CSMD3: variants seen among roughly 807,000 people sequenced by gnomAD.
CSMD3 encodes the protein CUB and sushi domain-containing protein 3.
CSMD3 carries 177 observed loss-of-function variants against 435.2 expected under a neutral mutation model. The observed-to-expected ratio is 0.41, with a 90% confidence interval of 0.36 to 0.46. CSMD3 has a LOEUF of 0.46. Ranked by LOEUF, CSMD3 falls within the 20% of genes least tolerant of loss-of-function variation. CSMD3 has a pLI of 0.34. For synonymous variants in CSMD3, 1,656 were observed against 1,520.5 expected, an observed-to-expected ratio of 1.09 and a Z score of -2.07; for missense variants, 4,265 against 4,504.6, an observed-to-expected ratio of 0.95 and a Z score of 1.52.
Position 112,434,676 on chromosome 8 carries a change from C to T in CSMD3, c.5396-25644G>A, listed in dbSNP as rs74877632. Among the ~76,000 whole-genome samples the T allele has an allele frequency of 1.9e-3, 296 of 152,200 alleles. 1 individual carries two copies. The highest frequency in any genetic ancestry group is 6.6e-3 in the African/African-American group (276 of 41,550). On this transcript the variant is annotated intron_variant, in intron 32 of 70. Transcript: ENST00000297405. Reference sequence around the variant, plus strand: ...TGTGAAGTTAACAAAGCTCCTACCTCGCACAGGCTCCTTCTAAGACCCTAG... The same window carrying T: ...TGTGAAGTTAACAAAGCTCCTACCTTGCACAGGCTCCTTCTAAGACCCTAG...
chr8:112,766,684 A>AG (rs2077987604), intron 13 of CSMD3, among the ~76,000 whole-genome samples: 1 of 151,800 alleles, frequency 6.6e-6, no homozygotes, highest in Admixed American at 6.6e-5. Context: ...TTCATAGCCC[A>AG]GGGGTAGAAA....
intron 13 of CSMD3, among the ~76,000 whole-genome samples, chr8:112,756,574 T>C (rs969752341): frequency 2.0e-5 from 3 of 152,150 alleles, no homozygotes; most frequent in East Asian, 1.9e-4. Context: ...TTCCCAAGAA[T>C]ATAATTTATT....
At chr8:112,573,964 C>G (rs1043687972) in intron 23 of CSMD3, among the ~76,000 whole-genome samples, 9 of 151,778 alleles carry the variant, frequency 5.9e-5, no homozygotes, top group Non-Finnish European at 8.8e-5. Flanking sequence ...GAATACCTAC[C>G]TAAAGATTGG....
At chr8:113,414,448 G>A (rs2094572794) in intron 1 of CSMD3, among the ~76,000 whole-genome samples, 1 of 151,938 alleles carries the variant, frequency 6.6e-6, no homozygotes. Context: ...GAACGATACA[G>A]CCTGAATTAT....
chr8:112,465,461 G>A (rs972436607), intron 32 of CSMD3, among the ~76,000 whole-genome samples: 2 of 152,010 alleles, frequency 1.3e-5, no homozygotes, highest in African/African-American at 2.4e-5. Context: ...ATGTAGGTGG[G>A]GTGAGAGGCA....
At chr8:113,329,265 T>A (rs915711844) in intron 1 of CSMD3, among the ~76,000 whole-genome samples, 2 of 147,644 alleles carry the variant, frequency 1.4e-5, no homozygotes, top group African/African-American at 5.0e-5. Context: ...AAATAATGTC[T>A]CACCAAATAA....
intron 3 of CSMD3, among the ~76,000 whole-genome samples, chr8:113,196,158 T>C (rs1236502741): frequency 6.6e-6 from 1 of 151,192 alleles, no homozygotes; most frequent in East Asian, 1.9e-4. Context: ...TAGCTATTTG[T>C]CTGCAAATGT....
At chr8:112,820,443 A>G (rs553174948) in intron 12 of CSMD3, among the ~76,000 whole-genome samples, 80 of 152,202 alleles carry the variant, frequency 5.3e-4, no homozygotes, top group South Asian at 4.1e-3. Flanking sequence ...TGAGTTTCAC[A>G]AAAACATAAT....
rs2130689835 is a variant in CSMD3 at position 112,292,641 on chromosome 8, T to A, written c.8684A>T (p.Asp2895Val). ...AATATTGCATGAGAATGTTACCACA[T>A]CATTAAAGTTGAACCCATTTCCACT... ...RTSGNGFNFNDVVTFSCNIGY... is the reference protein window; with the variant it reads ...RTSGNGFNFNVVVTFSCNIGY... Residue 2895 changes from aspartate (D) to valine (V), a missense_variant, in exon 55 of 71, where the codon GAT becomes GTT. Transcript: ENST00000297405. 6.2e-7 allele frequency: 1 copy of A among 1,613,758 alleles called. No homozygotes were observed. Among genetic ancestry groups the A allele is most frequent in the Non-Finnish European group, 8.5e-7 (1 of 1,179,762 alleles).
chr8:112,862,292 T>C (rs1198178230), intron 10 of CSMD3, among the ~76,000 whole-genome samples: 1 of 152,058 alleles, frequency 6.6e-6, no homozygotes, highest in East Asian at 1.9e-4. Flanking sequence ...AATGTATTTG[T>C]GTGTTTTAAC....
chr8:112,520,320 T>C (rs1586584414), intron 27 of CSMD3, among the ~76,000 whole-genome samples: 1 of 152,012 alleles, frequency 6.6e-6, no homozygotes, highest in East Asian at 1.9e-4. Context: ...GGTATTTTCA[T>C]CCCCATTTTT....
intron 18 of CSMD3, among the ~76,000 whole-genome samples, chr8:112,652,272 T>C (rs1487350652): frequency 3.9e-5 from 6 of 152,182 alleles, no homozygotes; most frequent in Non-Finnish European, 8.8e-5. Context: ...AGTTGTCCTC[T>C]TAATGTACAC....
chr8:112,741,838 T>A (rs1449369881), intron 13 of CSMD3, among the ~76,000 whole-genome samples: 1 of 150,052 alleles, frequency 6.7e-6, no homozygotes, highest in East Asian at 2.0e-4. Flanking sequence ...ACACAAAAAG[T>A]TGATCCTAAA....
intron 3 of CSMD3, among the ~76,000 whole-genome samples, chr8:113,197,390 C>CA (rs1215368706): frequency 1.1e-4 from 16 of 149,336 alleles, no homozygotes; most frequent in Middle Eastern, 3.4e-3. Context: ...GCAAATACTC[C>CA]AAAAAAAAAT....
At chr8:112,467,323 A>T (rs1455533164) in intron 32 of CSMD3, among the ~76,000 whole-genome samples, 1 of 152,152 alleles carries the variant, frequency 6.6e-6, no homozygotes, top group Non-Finnish European at 1.5e-5. Context: ...ACTAACAAAT[A>T]TGTCTTCGGG....
intron 6 of CSMD3, among the ~76,000 whole-genome samples, chr8:112,995,173 T>C (rs1434818157): frequency 6.6e-6 from 1 of 151,118 alleles, no homozygotes; most frequent in Non-Finnish European, 1.5e-5. Context: ...AATGGGAAAA[T>C]AGAAAGATCA....
At chr8:113,348,673 T>C (rs1448276290) in intron 1 of CSMD3, among the ~76,000 whole-genome samples, 1 of 152,098 alleles carries the variant, frequency 6.6e-6, no homozygotes, top group Non-Finnish European at 1.5e-5. Context: ...TTTAGTCCTC[T>C]GAATACAGAA....
chr8:112,884,715 C>T (rs548892648), intron 10 of CSMD3, among the ~76,000 whole-genome samples: 10 of 151,004 alleles, frequency 6.6e-5, no homozygotes, highest in Non-Finnish European at 1.0e-4. Flanking sequence ...TTTTGCTTAT[C>T]TCCTTTGTTT....
At chr8:113,121,743 G>GA (rs1306321087) in intron 4 of CSMD3, among the ~76,000 whole-genome samples, 9 of 151,382 alleles carry the variant, frequency 5.9e-5, no homozygotes, top group Admixed American at 4.6e-4. Context: ...TTCCACTTCT[G>GA]AAAAAAAATG....
Sources: gnomAD v4.1 joint callset for allele counts (sites outside exome capture counted in the v4.1 genomes callset) on GRCh38, gnomAD v4.1.1 for gene constraint, MANE v1.5 for transcripts, NCBI Gene and HGNC (gene_info 2026-07-23, HGNC 2026-07-21) for gene names.